Variants in THADA observed in about 807,000 individuals in gnomAD.
The protein encoded by THADA is tRNA (32-2'-O)-methyltransferase regulator THADA.
A neutral mutation model predicts 219.8 loss-of-function variants in THADA; 213 were observed. The observed-to-expected ratio is 0.97, with a 90% CI of 0.87 to 1.09. The LOEUF (loss-of-function observed/expected upper bound fraction) is 1.09. Ranked by LOEUF, THADA falls within the 50% of genes least tolerant of loss-of-function variation. The pLI is 0.00. For missense variants in THADA, 2,956 were observed against 2,311.3 expected (o/e 1.28, Z -5.72); for synonymous variants, 1,018 against 828.9 (o/e 1.23, Z -3.92).
At chr2:43,476,054 C>T (rs1685495104) in intron 26 of THADA, among the ~76,000 whole-genome samples, 1 of 152,166 alleles carries the variant, frequency 6.6e-6, no homozygotes, top group African/African-American at 2.4e-5. Flanking sequence ...TAGTCACGTG[C>T]TTCGGGGAGG....
At position 43,315,476 on chromosome 2, in the gene THADA, T is replaced by C. The variant is rs564721056; in HGVS notation, c.4438+4970A>G. On this transcript the variant is annotated intron_variant, in intron 31 of 37. Transcript: ENST00000405975. ...TCTTTTTTTTTCTTTTTTTTCTTTT[T>C]TTTAGAGACAGGATCTTGCTCTGTC... 9.2e-4 allele frequency among the ~76,000 whole-genome samples: 140 copies of C among 152,258 alleles called. 1 individual carries two copies. The highest frequency in any genetic ancestry group is 2.1e-3 in the South Asian group (10 of 4,828).
intron 28 of THADA, among the ~76,000 whole-genome samples, chr2:43,426,767 G>T (rs776999825): frequency 6.6e-6 from 1 of 152,100 alleles, no homozygotes; most frequent in Non-Finnish European, 1.5e-5. Context: ...ACATACATAA[G>T]AAATACTCTC....
At chr2:43,255,820 C>T (rs796158378) in intron 36 of THADA, among the ~76,000 whole-genome samples, 4 of 152,238 alleles carry the variant, frequency 2.6e-5, no homozygotes, top group Admixed American at 6.5e-5. Flanking sequence ...CAACAGGCCC[C>T]GGGTGGGTGA....
intron 36 of THADA, among the ~76,000 whole-genome samples, chr2:43,247,727 C>CAAAAA (rs56687341): frequency 5.6e-5 from 3 of 53,378 alleles, no homozygotes; most frequent in Admixed American, 3.0e-4. Context: ...GACTCCGTCT[C>CAAAAA]AAAAAAAAAA....
chr2:43,460,238 TAAAA>T (rs10560565), intron 26 of THADA, among the ~76,000 whole-genome samples: 1 of 63,542 alleles, frequency 1.6e-5, no homozygotes, highest in Non-Finnish European at 2.9e-5. Context: ...TTTCTCTTAA[TAAAA>T]AAAAAAAAAA....
chr2:43,326,165 C>CAAA (rs57917515), intron 30 of THADA, among the ~76,000 whole-genome samples: 2 of 111,102 alleles, frequency 1.8e-5, no homozygotes, highest in African/African-American at 3.1e-5. Context: ...CAATGTCTGT[C>CAAA]AAAAAAAAAA....
rs111415500 is a variant in THADA at position 43,501,850 on chromosome 2, G to A, written c.3622-2895C>T. On this transcript the variant is annotated intron_variant, in intron 24 of 37. Coordinates refer to ENST00000405975, the MANE Select transcript of THADA (RefSeq NM_022065.5). ...TCCCAGCTACTCAGGAGGCTGAGGT[G>A]GGAGAATAGCTTGAACCCAGGTGGT... Among the ~76,000 whole-genome samples, 132 of 152,182 alleles carry A rather than the reference G, an allele frequency of 8.7e-4. 1 individual carries two copies. The highest frequency in any genetic ancestry group is 1.7e-3 in the Non-Finnish European group (113 of 67,982).
chr2:43,239,102 T>C (rs1364961512), intron 36 of THADA, among the ~76,000 whole-genome samples: 2 of 152,334 alleles, frequency 1.3e-5, no homozygotes, highest in East Asian at 3.9e-4. Flanking sequence ...TGGAATCATG[T>C]TGGAAATGTG....
At chr2:43,339,937 A>AAAAT (rs1317790840) in intron 30 of THADA, among the ~76,000 whole-genome samples, 7 of 152,056 alleles carry the variant, frequency 4.6e-5, no homozygotes, top group African/African-American at 7.3e-5. Context: ...CTAAAACTAA[A>AAAAT]AAATAAATAA....
In THADA at chr2:43,502,001, A is replaced by G. The variant is rs572102910; in HGVS notation, c.3622-3046T>C. 9.9e-5 allele frequency among the ~76,000 whole-genome samples: 15 copies of G among 152,278 alleles called. No individual in the cohort carries two copies. The South Asian group carries it at 3.1e-3, about 32-fold the overall frequency. The stretch of plus-strand genomic sequence containing the variant: ...TTGCTCCAAAGATAGATTAATAGAC[A>G]GCACAGAAACAGAACCACCTATCTA... On this transcript the variant is annotated intron_variant, in intron 24 of 37. Coordinates refer to ENST00000405975, the MANE Select transcript of THADA (RefSeq NM_022065.5).
rs771603812 is a variant in THADA at position 43,592,355 on chromosome 2, G to A, written c.38C>T (p.Ala13Val). Residue 13 changes from alanine to valine, a missense_variant, in exon 2 of 38, where the codon GCG (alanine) becomes GTG (valine). By Grantham distance (64) the Ala-to-Val change is moderately conservative (BLOSUM62 0). Coordinates refer to ENST00000405975, the MANE Select transcript of THADA (RefSeq NM_022065.5). ...VKKKKEMQVA[A>V]LTICHQDLET... is the part of the protein sequence containing the mutation. ...AAGGTCCTGATGGCAAATGGTCAGC[G>A]CAGCAACTTGCATTTCTTTCTTCTT... 1.6e-4 allele frequency: 253 copies of A among 1,608,010 alleles called. No individual in the cohort carries two copies. Among genetic ancestry groups the A allele is most frequent in the African/African-American group, 2.9e-4 (22 of 74,856 alleles).
intron 21 of THADA, among the ~76,000 whole-genome samples, chr2:43,536,723 A>C (rs766005397): frequency 6.6e-5 from 10 of 152,182 alleles, no homozygotes; most frequent in Non-Finnish European, 1.2e-4. Context: ...TAAAAAAAAT[A>C]TAAATATATT....
chr2:43,503,374 G>A (rs1388697610), intron 24 of THADA, among the ~76,000 whole-genome samples: 4 of 152,138 alleles, frequency 2.6e-5, no homozygotes, highest in Non-Finnish European at 5.9e-5. Context: ...AAGTGAACAG[G>A]GGCTGAACAG....
At chr2:43,356,164 T>C (rs1257877879) in intron 29 of THADA, among the ~76,000 whole-genome samples, 3 of 152,108 alleles carry the variant, frequency 2.0e-5, no homozygotes, top group Non-Finnish European at 4.4e-5. Flanking sequence ...AAGGTGACAT[T>C]TGAACAGTAG....
At chr2:43,499,667 G>A (rs147226693) in intron 24 of THADA, among the ~76,000 whole-genome samples, 191 of 152,062 alleles carry the variant, frequency 1.3e-3, no homozygotes, top group African/African-American at 3.9e-3. Context: ...GTGAGCCAGC[G>A]CACCCGGCCT....
At chr2:43,409,480 G>A (rs1676013868) in intron 28 of THADA, among the ~76,000 whole-genome samples, 1 of 151,900 alleles carries the variant, frequency 6.6e-6, no homozygotes, top group African/African-American at 2.4e-5. Context: ...TCATATTTCA[G>A]CATGCCTACA....
chr2:43,285,235 A>C lies in THADA; in HGVS notation c.5164+1673T>G, dbSNP rs1345262456. On this transcript the variant is annotated intron_variant, in intron 35 of 37. Coordinates refer to ENST00000405975, the MANE Select transcript of THADA (RefSeq NM_022065.5). ...TTCAGGAGGGGCCTGGGGCAAAATG[A>C]TATGATCTGGACTTGTGTCCCCACC... 4.6e-5 allele frequency among the ~76,000 whole-genome samples: 7 copies of C among 152,334 alleles called. No homozygotes were observed. The East Asian group carries it at 1.2e-3, about 25-fold the overall frequency.
intron 29 of THADA, among the ~76,000 whole-genome samples, chr2:43,396,719 G>A (rs1304352552): frequency 1.3e-5 from 2 of 152,024 alleles, no homozygotes; most frequent in Non-Finnish European, 2.9e-5. Context: ...GCTGAGGCAC[G>A]AGAATGGCTT....
rs1360054313 is a variant in THADA, at chr2:43,515,373, A to T, written c.3375-6593T>A. 2.3e-4 allele frequency among the ~76,000 whole-genome samples: 21 copies of T among 90,230 alleles called. 1 individual carries two copies. The highest frequency in any genetic ancestry group is 4.2e-3 in the Middle Eastern group (1 of 240). 59.2% of individuals were successfully genotyped at this position (90,230 alleles called of 152,430 possible). On this transcript the variant is annotated intron_variant, in intron 22 of 37. Transcript: ENST00000405975. ...ATTTTATATATAATATATAATATAT[A>T]ATATATAATATTTTATATATAATAT...
Sources: allele counts gnomAD v4.1 joint callset (sites outside exome capture counted in the v4.1 genomes callset), GRCh38; gene constraint gnomAD v4.1.1; transcripts MANE v1.5; gene names NCBI Gene and HGNC (gene_info 2026-07-23, HGNC 2026-07-21).